The following SAMD13 variants were observed in gnomAD, a reference collection of about 807,000 sequenced individuals.
The protein encoded by SAMD13 is sterile alpha motif domain-containing protein 13.
Under a neutral mutation model 12.4 loss-of-function variants are expected in SAMD13, and 9 were observed. The observed-to-expected ratio is 0.72, with a 90% CI of 0.44 to 1.26. SAMD13 has a LOEUF of 1.26. Ranked by LOEUF, SAMD13 falls within the 50% of genes most tolerant of loss-of-function variation. SAMD13 has a pLI of 0.00. For synonymous variants in SAMD13, 46 were observed against 45.4 expected, an observed-to-expected ratio of 1.01 and a Z score of -0.05; for missense variants, 84 against 119.6, an observed-to-expected ratio of 0.70 and a Z score of 1.39.
chr1:84,328,071 G>A (rs560414019), intron 3 of SAMD13, among the ~76,000 whole-genome samples: 1 of 152,292 alleles, frequency 6.6e-6, no homozygotes, highest in Admixed American at 6.5e-5. Context: ...CAGATTCCCA[G>A]CTGACCAAAA....
chr1:84,298,566 A>G (rs1156085), upstream of SAMD13: 21,556 of 1,280,160 alleles, frequency 0.017, 229 homozygotes, highest in African/African-American at 0.033. Flanking sequence ...CCATGCGGGG[A>G]GGTAAGTGAT....
At chr1:84,318,307 T>C (rs1678876437) in intron 2 of SAMD13, among the ~76,000 whole-genome samples, 2 of 152,072 alleles carry the variant, frequency 1.3e-5, no homozygotes, top group South Asian at 4.1e-4. Context: ...ATATGTTGTG[T>C]TTTTGTTTTT....
intron 3 of SAMD13, among the ~76,000 whole-genome samples, chr1:84,340,577 T>G (rs979338866): frequency 7.2e-5 from 11 of 152,352 alleles, no homozygotes; most frequent in African/African-American, 2.4e-4. Context: ...TATATGAATT[T>G]TATCCCAATA....
chr1:84,314,963 T>A (rs938956635), intron 2 of SAMD13, among the ~76,000 whole-genome samples: 1 of 150,014 alleles, frequency 6.7e-6, no homozygotes, highest in Non-Finnish European at 1.5e-5. Context: ...CCTCCCTCCG[T>A]CCCTCCTTCT....
upstream of SAMD13, chr1:84,299,675 ATT>A (rs869106861): frequency 0.025 from 20,408 of 810,908 alleles, 137 homozygotes; most frequent in African/African-American, 0.064. Flanking sequence ...ATATATATAT[ATT>A]TATTTATTTA....
At chr1:84,336,011 T>C (rs544365362) in intron 3 of SAMD13, among the ~76,000 whole-genome samples, 63 of 152,292 alleles carry the variant, frequency 4.1e-4, no homozygotes, top group Middle Eastern at 3.4e-3. Flanking sequence ...GTGAATCTGA[T>C]GACTATGTGT....
At chr1:84,345,084 A>C in intron 3 of SAMD13, 1 of 456,688 alleles carries the variant, frequency 2.2e-6, no homozygotes, top group South Asian at 1.5e-5. Context: ...TCTGGGCTCC[A>C]GAGCAAGTAC....
upstream of SAMD13, among the ~76,000 whole-genome samples, chr1:84,301,109 A>C (rs1273786475): frequency 6.6e-6 from 1 of 152,208 alleles, no homozygotes. Context: ...CGTTTTCAGG[A>C]GATCTGGTCA....
At chr1:84,317,159 G>C (rs1192393121) in intron 2 of SAMD13, among the ~76,000 whole-genome samples, 1 of 152,002 alleles carries the variant, frequency 6.6e-6, no homozygotes, top group Non-Finnish European at 1.5e-5. Flanking sequence ...TGTAAGGACA[G>C]TTTTACTTTT....
intron 3 of SAMD13, among the ~76,000 whole-genome samples, chr1:84,346,811 T>G (rs1459498339): frequency 2.0e-5 from 3 of 152,256 alleles, no homozygotes; most frequent in Admixed American, 1.3e-4. Context: ...GAATGTTTTA[T>G]GTAGTCTTTG....
chr1:84,315,723 A>G (rs1158545964), intron 2 of SAMD13, among the ~76,000 whole-genome samples: 1 of 152,192 alleles, frequency 6.6e-6, no homozygotes, highest in Admixed American at 6.6e-5. Context: ...ATTCCTTTGG[A>G]TAAATACTCT....
At chr1:84,305,223 GTT>G (rs1235282157) in intron 2 of SAMD13, among the ~76,000 whole-genome samples, 1 of 152,046 alleles carries the variant, frequency 6.6e-6, no homozygotes, top group Non-Finnish European at 1.5e-5. Flanking sequence ...TATATCAGGT[GTT>G]TTATGTTTTC....
At chr1:84,326,276 A>G (rs1326546810) in intron 3 of SAMD13, among the ~76,000 whole-genome samples, 2 of 152,120 alleles carry the variant, frequency 1.3e-5, no homozygotes, top group East Asian at 1.9e-4. Context: ...GCACGTTACT[A>G]TGTCTCTCTG....
In SAMD13 at chr1:84,344,067, T is replaced by C. The variant is rs146049007; in HGVS notation, c.166-5564T>C. Among the ~76,000 whole-genome samples, 741 of 148,660 alleles carry C rather than the reference T, an allele frequency of 5.0e-3. 5 individuals are homozygous for C. Among genetic ancestry groups the C allele is most frequent in the African/African-American group, 0.017 (660 of 39,426 alleles). ...AAATGTGTTTCAGGTTTTTGTTTTTTGTTTTTTTGGCTTTTTTTTTTTTGT... is the reference window on the plus strand; with the variant it reads ...AAATGTGTTTCAGGTTTTTGTTTTTCGTTTTTTTGGCTTTTTTTTTTTTGT... On this transcript the variant is annotated intron_variant, in intron 3 of 3. Transcript: ENST00000394834.
intron 3 of SAMD13, chr1:84,345,245 CTG>C (rs1229891252): frequency 2.2e-6 from 1 of 455,938 alleles, no homozygotes; most frequent in African/African-American, 2.0e-5. Flanking sequence ...CAGAAAAAGA[CTG>C]TTTCATGAGA....
At chr1:84,300,475 A>G (rs1678432058), upstream of SAMD13, among the ~76,000 whole-genome samples, 1 of 152,242 alleles carries the variant, frequency 6.6e-6, no homozygotes, top group South Asian at 2.1e-4. Flanking sequence ...ATTATTTTTA[A>G]AAAGGGAAGC....
In SAMD13 at chr1:84,350,093, A is replaced by G. The variant is rs1440411656; in HGVS notation, c.*319A>G. ...TCCTCATCTCTTTATAGCTTTCCCA[A>G]AATCTTTTAAAAAAGAATTTAATTA... On this transcript the variant is annotated 3_prime_UTR_variant, in exon 4 of 4. Coordinates refer to ENST00000394834, the MANE Select transcript of SAMD13 (RefSeq NM_001134663.2). 4 of 201,928 alleles carry G rather than the reference A, an allele frequency of 2.0e-5. No homozygotes were observed. Among genetic ancestry groups the G allele is most frequent in the African/African-American group, 7.0e-5 (3 of 43,072 alleles). 12.5% of individuals were successfully genotyped at this position (201,928 alleles called of 1,614,324 possible).
At position 84,335,595 on chromosome 1, in the gene SAMD13, G is replaced by A. The variant is rs567037518; in HGVS notation, c.165+9847G>A. On this transcript the variant is annotated intron_variant, in intron 3 of 3. Coordinates refer to ENST00000394834, the MANE Select transcript of SAMD13 (RefSeq NM_001134663.2). ...ATTTGATTCTGTCATTGTATTGTTA[G>A]GGGGTTATTAGGCAGACTTGATTGT... Among the ~76,000 whole-genome samples, 20 of 152,266 alleles carry A rather than the reference G, an allele frequency of 1.3e-4. 1 individual carries two copies. Among genetic ancestry groups the A allele is most frequent in the African/African-American group, 4.8e-4 (20 of 41,574 alleles).
At chr1:84,299,765 A>G (rs1370945874), upstream of SAMD13, 1 of 421,632 alleles carries the variant, frequency 2.4e-6, no homozygotes, top group Non-Finnish European at 3.6e-6. Context: ...GTCATAATTT[A>G]GAGTGTCTTT....
Sources: allele counts gnomAD v4.1 joint callset (sites outside exome capture counted in the v4.1 genomes callset), GRCh38; gene constraint gnomAD v4.1.1; transcripts MANE v1.5; gene names NCBI Gene and HGNC (gene_info 2026-07-23, HGNC 2026-07-21).